The following ME3 variants were observed in gnomAD, a reference collection of about 807,000 sequenced individuals.
The protein encoded by ME3 is malic enzyme 3, also known as NADP-dependent malic enzyme, mitochondrial.
In ME3, 48 loss-of-function variants were observed where a neutral mutation model predicts 68.9. That is an observed-to-expected ratio of 0.70 (90% confidence interval 0.55 to 0.89). The LOEUF is 0.89. Ranked by LOEUF, ME3 falls within the 40% of genes least tolerant of loss-of-function variation. The pLI is 0.00. For missense variants in ME3, 675 were observed against 797.4 expected, an observed-to-expected ratio of 0.85 and a Z score of 1.85; for synonymous variants, 320 against 318.8, an observed-to-expected ratio of 1.00 and a Z score of -0.04.
At chr11:86,468,648 A>G (rs537174078) in intron 7 of ME3, among the ~76,000 whole-genome samples, 13 of 152,386 alleles carry the variant, frequency 8.5e-5, no homozygotes, top group African/African-American at 3.1e-4. Context: ...CAAAGTGGAA[A>G]TTTAAATGGC....
chr11:86,502,470 T>C (rs751077897), intron 5 of ME3, among the ~76,000 whole-genome samples: 30 of 152,228 alleles, frequency 2.0e-4, no homozygotes, highest in Non-Finnish European at 8.8e-5. Flanking sequence ...TCACAAATGG[T>C]GGGCAATGTG....
chr11:86,589,349 G>A (rs1049272746), intron 2 of ME3, among the ~76,000 whole-genome samples: 1 of 152,026 alleles, frequency 6.6e-6, no homozygotes, highest in African/African-American at 2.4e-5. Context: ...GTAGGGTTGG[G>A]GGAGGGAGAG....
intron 4 of ME3, among the ~76,000 whole-genome samples, chr11:86,548,304 A>C (rs533234359): frequency 1.3e-5 from 2 of 152,346 alleles, no homozygotes; most frequent in African/African-American, 4.8e-5. Flanking sequence ...CTCTGTTCCA[A>C]AGTATTTCAG....
chr11:86,615,544 G>C (rs1942898195), intron 2 of ME3, among the ~76,000 whole-genome samples: 1 of 152,164 alleles, frequency 6.6e-6, no homozygotes, highest in Admixed American at 6.5e-5. Flanking sequence ...CTCAAGGTGG[G>C]ATGACTTATC....
intron 4 of ME3, among the ~76,000 whole-genome samples, chr11:86,553,307 G>A (rs1055133695): frequency 6.6e-6 from 1 of 152,222 alleles, no homozygotes; most frequent in African/African-American, 2.4e-5. Flanking sequence ...TTGGTGGGGG[G>A]CCAGACACCA....
At position 86,450,011 on chromosome 11, in the gene ME3, T is replaced by C; in HGVS notation, c.1018-9A>G. 1 of 1,587,844 alleles carries C rather than the reference T, an allele frequency of 6.3e-7. No homozygotes were observed. The highest frequency in any genetic ancestry group is 1.1e-5 in the South Asian group (1 of 89,808). On this transcript the variant is annotated splice_polypyrimidine_tract_variant and intron_variant, in intron 9 of 14. Coordinates refer to ENST00000543262, the Ensembl canonical transcript of ME3. ...GCAATGCCCATAGCTGCCTGGAAGG[T>C]ACCATAGGGTAGATGTTCAGACACA... is the stretch of plus-strand genomic sequence containing the variant.
intron 2 of ME3, among the ~76,000 whole-genome samples, chr11:86,615,839 T>C (rs112148286): frequency 0.01 from 1,532 of 152,276 alleles, 16 homozygotes; most frequent in Non-Finnish European, 0.016. Context: ...GCATAACAAC[T>C]TCTTAAAGTC....
intron 2 of ME3, among the ~76,000 whole-genome samples, chr11:86,640,951 T>C (rs908694202): frequency 4.6e-5 from 7 of 151,138 alleles, no homozygotes; most frequent in Admixed American, 1.3e-4. Context: ...GAAGAAGGTG[T>C]TCCCAACTCC....
At chr11:86,564,103 G>A (rs1240650793) in intron 2 of ME3, among the ~76,000 whole-genome samples, 1 of 152,034 alleles carries the variant, frequency 6.6e-6, no homozygotes, top group African/African-American at 2.4e-5. Flanking sequence ...CCATTTACTG[G>A]TATTGTCTCT....
chr11:86,620,164 G>T (rs990455226), intron 2 of ME3, among the ~76,000 whole-genome samples: 3 of 152,000 alleles, frequency 2.0e-5, no homozygotes, highest in African/African-American at 7.2e-5. Flanking sequence ...TTCAAAAAAC[G>T]TTTTTTTAAA....
intron 2 of ME3, among the ~76,000 whole-genome samples, chr11:86,659,782 C>G (rs1425679642): frequency 6.6e-6 from 1 of 152,160 alleles, no homozygotes; most frequent in African/African-American, 2.4e-5. Context: ...GTCTCACTAT[C>G]AGAATCTCAT....
At chr11:86,528,359 G>A (rs1270937055) in intron 4 of ME3, among the ~76,000 whole-genome samples, 1 of 152,180 alleles carries the variant, frequency 6.6e-6, no homozygotes, top group Non-Finnish European at 1.5e-5. Flanking sequence ...CATAAAGCAA[G>A]TCCTTAGAGA....
chr11:86,592,327 T>A (rs1959112807), intron 2 of ME3, among the ~76,000 whole-genome samples: 1 of 152,194 alleles, frequency 6.6e-6, no homozygotes, highest in South Asian at 2.1e-4. Context: ...CACCACTTGC[T>A]CAAAGCCAGT....
At chr11:86,444,970 A>C (rs868442712) in intron 13 of ME3, among the ~76,000 whole-genome samples, 7 of 152,166 alleles carry the variant, frequency 4.6e-5, no homozygotes, top group African/African-American at 1.4e-4. Flanking sequence ...CTGTTCATGA[A>C]ATGTTGGAGC....
chr11:86,444,215 G>A (rs913985504), intron 13 of ME3, among the ~76,000 whole-genome samples: 3 of 152,182 alleles, frequency 2.0e-5, no homozygotes, highest in Admixed American at 6.5e-5. Context: ...CATGAATTAG[G>A]GGAGAGAGAA....
intron 2 of ME3, among the ~76,000 whole-genome samples, chr11:86,663,396 A>T (rs973791884): frequency 6.6e-6 from 1 of 152,174 alleles, no homozygotes; most frequent in African/African-American, 2.4e-5. Flanking sequence ...TTCAGATACA[A>T]AATGAATGCA....
intron 2 of ME3, among the ~76,000 whole-genome samples, chr11:86,667,070 C>G (rs1361273473): frequency 6.6e-6 from 1 of 152,232 alleles, no homozygotes; most frequent in Non-Finnish European, 1.5e-5. Flanking sequence ...CACTGTCCTT[C>G]AAGCCTTTGC....
chr11:86,444,705 AT>A (rs1949186892), intron 13 of ME3, among the ~76,000 whole-genome samples: 1 of 152,212 alleles, frequency 6.6e-6, no homozygotes, highest in Admixed American at 6.5e-5. Flanking sequence ...ATGAGTAAGA[AT>A]TTTACCTATT....
exon 1 of ME3, chr11:86,672,591 C>G (rs1450820110): frequency 9.9e-6 from 1 of 101,042 alleles, no homozygotes; most frequent in Non-Finnish European, 1.9e-5. Flanking sequence ...CCGCCTGAGA[C>G]TCTCCATCTT....
Sources: allele counts gnomAD v4.1 joint callset (sites outside exome capture counted in the v4.1 genomes callset), GRCh38; gene constraint gnomAD v4.1.1; transcripts MANE v1.5; gene names NCBI Gene and HGNC (gene_info 2026-07-23, HGNC 2026-07-21).